CYRIB: variants seen among roughly 807,000 people sequenced by gnomAD.
CYRIB encodes the protein CYFIP-related Rac1 interactor B.
A neutral mutation model predicts 44.2 loss-of-function variants in CYRIB; 8 were observed. The ratio of observed to expected loss-of-function variants is 0.18; its 90% CI spans 0.11 to 0.33. The LOEUF (loss-of-function observed/expected upper bound fraction) is 0.33, where lower values mean the gene tolerates loss of function less well. Ranked by LOEUF, CYRIB falls within the 10% of genes least tolerant of loss-of-function variation. CYRIB has a pLI of 1.00. For synonymous variants in CYRIB, 131 were observed against 127.2 expected, an observed-to-expected ratio of 1.03 and a Z score of -0.20; for missense variants, 185 against 382.8, an observed-to-expected ratio of 0.48 and a Z score of 4.31.
chr8:130,003,829 A>G (rs1342346778), intron 1 of CYRIB, among the ~76,000 whole-genome samples: 1 of 152,168 alleles, frequency 6.6e-6, no homozygotes, highest in African/African-American at 2.4e-5. Flanking sequence ...ATTCTGAGAC[A>G]GGTCCACTCA....
chr8:129,980,693 A>G (rs1457623693), intron 1 of CYRIB, among the ~76,000 whole-genome samples: 2 of 151,520 alleles, frequency 1.3e-5, no homozygotes, highest in African/African-American at 4.9e-5. Context: ...AAAAAACCAT[A>G]CTATGAGGTC....
chr8:129,945,584 T>G (rs1027884843), intron 2 of CYRIB, among the ~76,000 whole-genome samples: 12 of 152,158 alleles, frequency 7.9e-5, no homozygotes, highest in Non-Finnish European at 1.8e-4. Flanking sequence ...ATTTATCTAT[T>G]TGAGACAGAG....
intron 1 of CYRIB, among the ~76,000 whole-genome samples, chr8:129,937,535 C>G (rs928721255): frequency 6.6e-6 from 1 of 152,156 alleles, no homozygotes; most frequent in Non-Finnish European, 1.5e-5. Flanking sequence ...CCCGTTTATT[C>G]CTGGAGAGTT....
intron 1 of CYRIB, among the ~76,000 whole-genome samples, chr8:129,919,363 CAACAA>C (rs1413218267): frequency 1.3e-5 from 2 of 152,132 alleles, no homozygotes; most frequent in African/African-American, 4.8e-5. Flanking sequence ...CCTCAAAACT[CAACAA>C]AGATCAGTTA....
At chr8:129,978,154 A>C (rs1308011497) in intron 1 of CYRIB, among the ~76,000 whole-genome samples, 1 of 152,102 alleles carries the variant, frequency 6.6e-6, no homozygotes, top group African/African-American at 2.4e-5. Flanking sequence ...CCTGGCCTTA[A>C]CAATCCTCCC....
chr8:129,905,981 T>A (rs1017915208), intron 1 of CYRIB, among the ~76,000 whole-genome samples: 11 of 152,308 alleles, frequency 7.2e-5, no homozygotes, highest in Admixed American at 3.3e-4. Context: ...CATTCCATGC[T>A]CATGGATAGG....
intron 1 of CYRIB, among the ~76,000 whole-genome samples, chr8:130,005,914 G>T (rs1214843884): frequency 6.6e-6 from 1 of 151,936 alleles, no homozygotes; most frequent in Non-Finnish European, 1.5e-5. Flanking sequence ...AACACCCTCA[G>T]AATAGATGAC....
At chr8:129,945,654 C>T (rs757823383) in intron 2 of CYRIB, among the ~76,000 whole-genome samples, 13 of 152,124 alleles carry the variant, frequency 8.5e-5, no homozygotes, top group Non-Finnish European at 1.5e-4. Flanking sequence ...CTGCAGCCTC[C>T]GCCTCCCGAG....
intron 1 of CYRIB, among the ~76,000 whole-genome samples, chr8:129,913,072 C>T (rs1180378432): frequency 6.6e-6 from 1 of 150,704 alleles, no homozygotes; most frequent in Non-Finnish European, 1.5e-5. Context: ...CCTGGGATCA[C>T]ATCATTCTCC....
chr8:129,896,973 T>C (rs980478502), intron 2 of CYRIB: 6 of 152,236 alleles, frequency 3.9e-5, no homozygotes, highest in African/African-American at 1.4e-4. Flanking sequence ...CTTTCTCTCA[T>C]AATTTGAGTT....
intron 1 of CYRIB, among the ~76,000 whole-genome samples, chr8:129,974,777 T>C (rs773661636): frequency 1.8e-4 from 27 of 151,288 alleles, no homozygotes; most frequent in Non-Finnish European, 5.9e-5. Flanking sequence ...TGGAGTGCAG[T>C]GGCTCAAACA....
intron 1 of CYRIB, among the ~76,000 whole-genome samples, chr8:129,998,375 A>G (rs2096830669): frequency 6.6e-6 from 1 of 152,144 alleles, no homozygotes; most frequent in Non-Finnish European, 1.5e-5. Flanking sequence ...ATGTTGAGGA[A>G]CCCTGAGGAT....
intron 1 of CYRIB, among the ~76,000 whole-genome samples, chr8:129,972,498 G>A (rs1246646009): frequency 1.3e-5 from 2 of 152,118 alleles, no homozygotes; most frequent in African/African-American, 4.8e-5. Flanking sequence ...GATCACTTGA[G>A]CCCAGGAGGT....
chr8:129,913,148 T>C (rs2078926788), intron 1 of CYRIB, among the ~76,000 whole-genome samples: 2 of 151,948 alleles, frequency 1.3e-5, no homozygotes, highest in South Asian at 4.2e-4. Flanking sequence ...ATTTTTTGTA[T>C]TTTTAGTAGA....
intron 1 of CYRIB, among the ~76,000 whole-genome samples, chr8:129,920,147 T>C (rs1390398351): frequency 6.6e-6 from 1 of 151,832 alleles, no homozygotes; most frequent in Admixed American, 6.6e-5. Context: ...GGTCAGAGTA[T>C]ATATTTATGT....
intron 1 of CYRIB, among the ~76,000 whole-genome samples, chr8:129,983,024 A>C (rs2096298753): frequency 1.3e-5 from 2 of 151,926 alleles, no homozygotes. Flanking sequence ...AAAAAAAAAA[A>C]AACACCCTTG....
intron 10 of CYRIB, among the ~76,000 whole-genome samples, chr8:129,847,840 C>T (rs1303300798): frequency 6.6e-6 from 1 of 152,166 alleles, no homozygotes; most frequent in Non-Finnish European, 1.5e-5. Flanking sequence ...CTCGCTCTGT[C>T]ACCCAGGCTG....
intron 1 of CYRIB, among the ~76,000 whole-genome samples, chr8:130,001,316 C>T (rs758427737): frequency 2.6e-5 from 4 of 152,082 alleles, no homozygotes; most frequent in Non-Finnish European, 4.4e-5. Flanking sequence ...GCTCCCTGGA[C>T]GTCCAGGAGG....
At chr8:129,884,298 T>C (rs1364399015) in intron 2 of CYRIB, among the ~76,000 whole-genome samples, 2 of 151,996 alleles carry the variant, frequency 1.3e-5, no homozygotes, top group Admixed American at 6.6e-5. Context: ...GGATTTAAGA[T>C]TTTTTTTGAG....
Sources: gnomAD v4.1 joint callset for allele counts (sites outside exome capture counted in the v4.1 genomes callset) on GRCh38, gnomAD v4.1.1 for gene constraint, MANE v1.5 for transcripts, NCBI Gene and HGNC (gene_info 2026-07-23, HGNC 2026-07-21) for gene names.